DNAH12: variants seen among roughly 807,000 people sequenced by gnomAD.
The protein encoded by DNAH12 is dynein axonemal heavy chain 12, also known as axonemal beta dynein heavy chain 12.
In DNAH12, 285 loss-of-function variants were observed where a neutral mutation model predicts 371.5. The observed-to-expected ratio is 0.77, with a 90% CI of 0.70 to 0.85. DNAH12 has a LOEUF of 0.85. Among genes scored for constraint, DNAH12 ranks in the 40% least tolerant of loss-of-function variants. The probability of loss-of-function intolerance (pLI) is 0.00; values close to 1 mark genes in which losing one functional copy is unlikely to be tolerated. For missense variants in DNAH12, 3,611 were observed against 3,689.4 expected (o/e 0.98, Z 0.55); for synonymous variants, 1,200 against 1,213.0 (o/e 0.99, Z 0.22).
intron 12 of DNAH12, among the ~76,000 whole-genome samples, chr3:57,487,220 G>T (rs2066947799): frequency 6.6e-6 from 1 of 150,802 alleles, no homozygotes; most frequent in Non-Finnish European, 1.5e-5. Context: ...AGGATCACTT[G>T]AGTCCAGGAG....
intron 60 of DNAH12, among the ~76,000 whole-genome samples, chr3:57,343,854 C>T (rs6800083): frequency 0.87 from 133,177 of 152,226 alleles, 58,727 homozygotes; most frequent in African/African-American, 0.92. Context: ...TCTGCTGAGA[C>T]GTTTGGGTGG....
chr3:57,504,247 A>C (rs894307236), intron 8 of DNAH12, 43 bp from the exon 9 acceptor site: 2 of 1,530,818 alleles, frequency 1.3e-6, no homozygotes, highest in Non-Finnish European at 1.8e-6. Flanking sequence ...GTACAAATTC[A>C]ACCTTTAACT....
intron 60 of DNAH12, among the ~76,000 whole-genome samples, chr3:57,346,193 A>G (rs1214024043): frequency 6.6e-6 from 1 of 152,158 alleles, no homozygotes. Context: ...TAATTAAAAG[A>G]TACAAAAATG....
At chr3:57,483,758 C>T (rs974622721) in intron 12 of DNAH12, among the ~76,000 whole-genome samples, 1 of 148,540 alleles carries the variant, frequency 6.7e-6, no homozygotes, top group Non-Finnish European at 1.5e-5. Flanking sequence ...CCAGCCTGTG[C>T]AAAGTGGTGA....
At position 57,347,293 on chromosome 3, in the gene DNAH12, C is replaced by T. The variant is rs551165343; in HGVS notation, c.9674+4792G>A. Among the ~76,000 whole-genome samples the T allele has an allele frequency of 5.3e-5, 8 of 152,272 alleles. No homozygotes were observed. The South Asian group carries it at 6.2e-4, about 12-fold the overall frequency. On this transcript the variant is annotated intron_variant, in intron 60 of 73. Transcript: ENST00000495027. ...CCAATTATGTATAGAAAGAATTATA[C>T]ACCACGACTAAGTGGGATTTATTAT...
At position 57,446,056 on chromosome 3, in the gene DNAH12, C is replaced by T. The variant is rs1371756731; in HGVS notation, c.4154G>A (p.Arg1385His). The T allele has an allele frequency of 4.5e-6, 7 of 1,549,710 alleles. No individual in the cohort carries two copies. Among genetic ancestry groups the T allele is most frequent in the African/African-American group, 2.7e-5 (2 of 72,958 alleles). ...AITMNPGYAGRSELPDNLKVL... is the reference protein window; with the variant it reads ...AITMNPGYAGHSELPDNLKVL... ...CTTAAGATTGTCCGGCAATTCAGAG[C>T]GTCCTGCATAGCCAGGATTCATGGT... The change falls in exon 27 of 74, where the codon CGC becomes CAC. Residue 1385 changes from arginine (R) to histidine (H), a missense_variant. By Grantham distance (29) the Arg-to-His change is conservative. Coordinates refer to ENST00000495027, the MANE Select transcript of DNAH12 (RefSeq NM_001366028.2).
chr3:57,459,209 T>C (rs915582753), intron 20 of DNAH12, among the ~76,000 whole-genome samples: 2 of 152,164 alleles, frequency 1.3e-5, no homozygotes, highest in Non-Finnish European at 2.9e-5. Context: ...GAGTCACTAG[T>C]AGAATGTCAG....
intron 1 of DNAH12, among the ~76,000 whole-genome samples, chr3:57,543,247 C>A (rs548347737): frequency 3.6e-4 from 54 of 151,086 alleles, no homozygotes; most frequent in Non-Finnish European, 1.8e-4. Flanking sequence ...CCACCACCAC[C>A]ACAACAAATC....
At chr3:57,396,227 A>C (rs1289721388) in intron 43 of DNAH12, among the ~76,000 whole-genome samples, 2 of 138,258 alleles carry the variant, frequency 1.4e-5, no homozygotes, top group Non-Finnish European at 3.1e-5. Flanking sequence ...GCAGTGAGCC[A>C]GGATTGTGTC....
rs992253102 is a variant in DNAH12 at position 57,377,289 on chromosome 3, C to T, written c.8224-67G>A. 7.1e-4 allele frequency: 108 copies of T among 152,064 alleles called. 1 individual carries two copies. The highest frequency in any genetic ancestry group is 2.6e-3 in the African/African-American group (107 of 41,528). 9.4% of individuals were successfully genotyped at this position (152,064 alleles called of 1,614,324 possible). ...AAAACTGATATCTATATAATTCCTC[C>T]CTTATAAATATTATGGATTAGAAAT... On this transcript the variant is annotated intron_variant, in intron 52 of 73. Transcript: ENST00000495027.
At chr3:57,466,011 C>G (rs1354057898) in intron 17 of DNAH12, among the ~76,000 whole-genome samples, 1 of 151,580 alleles carries the variant, frequency 6.6e-6, no homozygotes, top group Non-Finnish European at 1.5e-5. Context: ...TAGATTTTAA[C>G]CTGGCATTTA....
the DNAH12 span, among the ~76,000 whole-genome samples, chr3:57,550,234 G>A: frequency 1.3e-5 from 2 of 152,174 alleles, no homozygotes; most frequent in South Asian, 2.1e-4. Context: ...AGGATTGCTT[G>A]AGCCCAGAAA....
intron 62 of DNAH12, among the ~76,000 whole-genome samples, chr3:57,332,354 T>A (rs1006940784): frequency 8.5e-5 from 13 of 152,224 alleles, no homozygotes; most frequent in African/African-American, 1.4e-4. Context: ...TGCCATCTTC[T>A]ACTTTTAGCT....
At chr3:57,425,872 A>G (rs1309841073) in intron 34 of DNAH12, among the ~76,000 whole-genome samples, 1 of 152,180 alleles carries the variant, frequency 6.6e-6, no homozygotes, top group Non-Finnish European at 1.5e-5. Context: ...AAGAATCCCT[A>G]AAAATGGATG....
At chr3:57,414,887 G>C in intron 38 of DNAH12, among the ~76,000 whole-genome samples, 1 of 152,196 alleles carries the variant, frequency 6.6e-6, no homozygotes, top group East Asian at 1.9e-4. Flanking sequence ...ATTTGGAAAT[G>C]TATGATAAAA....
At chr3:57,533,028 G>A (rs1268137483) in intron 2 of DNAH12, among the ~76,000 whole-genome samples, 1 of 152,128 alleles carries the variant, frequency 6.6e-6, no homozygotes, top group Non-Finnish European at 1.5e-5. Context: ...TACTGCTGCT[G>A]GGCTAGCACT....
chr3:57,516,559 T>A (rs1369982108), intron 4 of DNAH12, among the ~76,000 whole-genome samples: 4 of 152,206 alleles, frequency 2.6e-5, no homozygotes, highest in Non-Finnish European at 4.4e-5. Context: ...CCTTGGTTCC[T>A]CTTTTTCTCA....
Position 57,310,838 on chromosome 3 carries a change from G to A in DNAH12, c.10775C>T (p.Thr3592Ile). 6.4e-7 allele frequency: 1 copy of A among 1,551,560 alleles called. No homozygotes were observed. Among genetic ancestry groups the A allele is most frequent in the East Asian group, 2.4e-5 (1 of 40,904 alleles). ...CAGATTATAAAAGTCAGCCAGCATG[G>A]TTAATAGAAGACGTCTGTCCCAATC... ...TDDWDRRLLL[T>I]MLADFYNLYI... Residue 3592 changes from threonine to isoleucine, a missense_variant, in exon 67 of 74, where the codon ACC (threonine) becomes ATC (isoleucine). Physicochemically the swap from Thr to Ile is moderately conservative, Grantham distance 89. Around this residue, in one of 3 missense-constraint regions of DNAH12, gnomAD observed 2,266 missense variants for 2,236.9 expected, o/e 1.01. Transcript: ENST00000495027.
At position 57,468,721 on chromosome 3, in the gene DNAH12, T is replaced by C. The variant is rs1472842148; in HGVS notation, c.2349+15A>G. 7.6e-7 allele frequency: 1 copy of C among 1,320,008 alleles called. No individual in the cohort carries two copies. Among genetic ancestry groups the C allele is most frequent in the Non-Finnish European group, 9.8e-7 (1 of 1,016,958 alleles). The allele number at this position is 1,320,008 out of a possible 1,614,324, so 81.8% of individuals were successfully genotyped here. On this transcript the variant is annotated intron_variant, in intron 17 of 73. Transcript: ENST00000495027. ...GATAGCTATAATATTAAAATGTTAT[T>C]ATATATATTTATACCTTAAAAGCTT...
Sources: allele counts gnomAD v4.1 joint callset (sites outside exome capture counted in the v4.1 genomes callset), GRCh38; gene constraint gnomAD v4.1.1; regional missense constraint gnomAD v4.1.1; transcripts MANE v1.5; gene names NCBI Gene and HGNC (gene_info 2026-07-23, HGNC 2026-07-21).